The following FGF12 variants were observed in gnomAD, a reference collection of about 807,000 sequenced individuals.
The protein encoded by FGF12 is fibroblast growth factor 12.
In FGF12, 14 loss-of-function variants were observed where a neutral mutation model predicts 23.6. That is an observed-to-expected ratio of 0.59 (90% CI 0.39 to 0.93). FGF12 has a LOEUF of 0.93. Ranked by LOEUF, FGF12 falls within the 40% of genes least tolerant of loss-of-function variation. The probability of loss-of-function intolerance (pLI) is 0.00; values close to 1 mark genes in which losing one functional copy is unlikely to be tolerated. For missense variants in FGF12, 175 were observed against 217.8 expected, an observed-to-expected ratio of 0.80 and a Z score of 1.24; for synonymous variants, 62 against 77.3, an observed-to-expected ratio of 0.80 and a Z score of 1.04.
chr3:192,418,626 G>A (rs1218934704), intron 2 of FGF12, among the ~76,000 whole-genome samples: 1 of 152,104 alleles, frequency 6.6e-6, no homozygotes, highest in African/African-American at 2.4e-5. Flanking sequence ...CCAGGTTGGA[G>A]GTGATTGGAT....
intron 3 of FGF12, among the ~76,000 whole-genome samples, chr3:192,351,704 C>T (rs953544287): frequency 4.6e-5 from 7 of 152,134 alleles, no homozygotes; most frequent in African/African-American, 1.7e-4. Flanking sequence ...AAGTCATACT[C>T]TAATAGGGAA....
chr3:192,385,829 CAGAGT>C (rs1351061884), intron 2 of FGF12, among the ~76,000 whole-genome samples: 2 of 152,170 alleles, frequency 1.3e-5, no homozygotes, highest in Non-Finnish European at 1.5e-5. Context: ...TCTGGGATGC[CAGAGT>C]GTGGTACAGA....
chr3:192,633,839 C>T (rs1715484807), intron 2 of FGF12, among the ~76,000 whole-genome samples: 1 of 152,132 alleles, frequency 6.6e-6, no homozygotes. Context: ...TTTCAGTAAC[C>T]TCTCTCACAT....
At chr3:192,544,813 A>T (rs543867461) in intron 2 of FGF12, among the ~76,000 whole-genome samples, 12 of 152,316 alleles carry the variant, frequency 7.9e-5, no homozygotes, top group Admixed American at 7.2e-4. Context: ...AAGTTGTATA[A>T]GCTTGGGCAC....
intron 2 of FGF12, among the ~76,000 whole-genome samples, chr3:192,699,321 C>T (rs964666516): frequency 5.9e-5 from 9 of 152,050 alleles, no homozygotes; most frequent in Admixed American, 2.6e-4. Flanking sequence ...ATCTACTCTT[C>T]CCTTTCCTAC....
chr3:192,713,721 C>T (rs1718769366), intron 2 of FGF12, among the ~76,000 whole-genome samples: 1 of 152,184 alleles, frequency 6.6e-6, no homozygotes, highest in East Asian at 1.9e-4. Flanking sequence ...TGCTGACCTT[C>T]ATCTTCAAAA....
intron 2 of FGF12, among the ~76,000 whole-genome samples, chr3:192,464,502 GTGTGTGT>G (rs1560119150): frequency 2.6e-4 from 3 of 11,716 alleles, no homozygotes; most frequent in Non-Finnish European, 2.9e-4. Context: ...ATTCCATGGT[GTGTGTGT>G]GTGTGTGTGT....
At chr3:192,519,907 T>C (rs1396674694) in intron 2 of FGF12, among the ~76,000 whole-genome samples, 2 of 152,262 alleles carry the variant, frequency 1.3e-5, no homozygotes, top group East Asian at 3.8e-4. Flanking sequence ...GATTTGCTAT[T>C]GTGTCCTTTT....
At chr3:192,499,250 G>A (rs2108831461) in intron 2 of FGF12, among the ~76,000 whole-genome samples, 1 of 151,972 alleles carries the variant, frequency 6.6e-6, no homozygotes, top group Admixed American at 6.6e-5. Flanking sequence ...AATTTTGAGA[G>A]TCAAAGAGGT....
At chr3:192,154,635 G>C (rs988693199) in intron 5 of FGF12, among the ~76,000 whole-genome samples, 2 of 149,758 alleles carry the variant, frequency 1.3e-5, no homozygotes, top group Non-Finnish European at 3.0e-5. Context: ...CGGGGGTCAG[G>C]GGTCAGGGAC....
At chr3:192,265,567 T>A (rs1169458647) in intron 4 of FGF12, among the ~76,000 whole-genome samples, 1 of 152,176 alleles carries the variant, frequency 6.6e-6, no homozygotes, top group African/African-American at 2.4e-5. Context: ...TTTTAGATAG[T>A]TCAGAAATTA....
chr3:192,430,177 G>C (rs1451659424), intron 2 of FGF12, among the ~76,000 whole-genome samples: 1 of 151,908 alleles, frequency 6.6e-6, no homozygotes, highest in Non-Finnish European at 1.5e-5. Flanking sequence ...ACCAACAATG[G>C]AATATTATTC....
intron 4 of FGF12, among the ~76,000 whole-genome samples, chr3:192,171,835 A>T (rs1375521455): frequency 6.7e-6 from 1 of 148,946 alleles, no homozygotes; most frequent in Non-Finnish European, 1.5e-5. Flanking sequence ...ATGTCCTTGT[A>T]GGTGATACTC....
At chr3:192,261,990 T>C (rs1483467265) in intron 4 of FGF12, among the ~76,000 whole-genome samples, 2 of 152,144 alleles carry the variant, frequency 1.3e-5, no homozygotes, top group Non-Finnish European at 2.9e-5. Flanking sequence ...GGTGCCCCCT[T>C]AGTACTCGAA....
chr3:192,501,782 C>A (rs1724140815), intron 2 of FGF12, among the ~76,000 whole-genome samples: 1 of 152,330 alleles, frequency 6.6e-6, no homozygotes, highest in Non-Finnish European at 1.5e-5. Flanking sequence ...GAATGGCACA[C>A]TTTAGACATC....
At chr3:192,311,210 TCA>T (rs1247128762) in intron 4 of FGF12, among the ~76,000 whole-genome samples, 1 of 152,166 alleles carries the variant, frequency 6.6e-6, no homozygotes, top group African/African-American at 2.4e-5. Flanking sequence ...TTTAATATAT[TCA>T]CAGAGTTGTA....
chr3:192,159,353 T>C (rs1714733837), intron 5 of FGF12, among the ~76,000 whole-genome samples: 2 of 152,310 alleles, frequency 1.3e-5, no homozygotes, highest in South Asian at 4.1e-4. Context: ...GACAAGATGT[T>C]TTCACTTGGC....
intron 3 of FGF12, among the ~76,000 whole-genome samples, chr3:192,352,646 T>C (rs1303737290): frequency 6.6e-6 from 1 of 152,196 alleles, no homozygotes; most frequent in Non-Finnish European, 1.5e-5. Context: ...TCCCTGTTGA[T>C]GAAAATAATG....
intron 2 of FGF12, among the ~76,000 whole-genome samples, chr3:192,396,539 C>G (rs1051883011): frequency 6.6e-6 from 1 of 152,198 alleles, no homozygotes; most frequent in Non-Finnish European, 1.5e-5. Context: ...GTTGTATGAC[C>G]TAACACCCAC....
Sources: gnomAD v4.1 joint callset for allele counts (sites outside exome capture counted in the v4.1 genomes callset) on GRCh38, gnomAD v4.1.1 for gene constraint, MANE v1.5 for transcripts, NCBI Gene and HGNC (gene_info 2026-07-23, HGNC 2026-07-21) for gene names.